Variants in VOPP1 observed in about 807,000 individuals in gnomAD.
VOPP1 encodes the protein VOPP1 WW domain binding protein, also known as WW domain binding protein VOPP1.
In VOPP1, 8 loss-of-function variants were observed where a neutral mutation model predicts 23.5. The ratio of observed to expected loss-of-function variants is 0.34; its 90% CI spans 0.20 to 0.61. VOPP1 has a LOEUF of 0.61. Ranked by LOEUF, VOPP1 falls within the 20% of genes least tolerant of loss-of-function variation. The probability of loss-of-function intolerance (pLI) is 0.78; values close to 1 mark genes in which losing one functional copy is unlikely to be tolerated. For synonymous variants in VOPP1, 83 were observed against 97.3 expected (o/e 0.85, Z 0.86); for missense variants, 174 against 238.1 (o/e 0.73, Z 1.77).
chr7:55,552,111 C>G (rs949171063), intron 1 of VOPP1, among the ~76,000 whole-genome samples: 1 of 150,626 alleles, frequency 6.6e-6, no homozygotes, highest in Non-Finnish European at 1.5e-5. Context: ...GGTCAGGGAC[C>G]AGTGACCCTG....
At chr7:55,550,236 A>C (rs1191269087) in intron 1 of VOPP1, among the ~76,000 whole-genome samples, 1 of 152,250 alleles carries the variant, frequency 6.6e-6, no homozygotes, top group South Asian at 2.1e-4. Context: ...GCCCAACAGC[A>C]GCCACTAGGT....
chr7:55,494,525 C>T lies in VOPP1; in HGVS notation c.192-2107G>A, dbSNP rs143249923. 3.6e-3 allele frequency among the ~76,000 whole-genome samples: 544 copies of T among 152,268 alleles called. 2 individuals carry two copies. The highest frequency in any genetic ancestry group is 0.024 in the Middle Eastern group (7 of 294). On this transcript the variant is annotated intron_variant, in intron 3 of 4. Coordinates refer to ENST00000285279, the MANE Select transcript of VOPP1 (RefSeq NM_030796.5). ...ATGACATTGCAGCTCCCACCTTAGA[C>T]TAATGGTGAGCAAGCATAAGGCGAG...
At position 55,476,620 on chromosome 7, in the gene VOPP1, C is replaced by T. The variant is rs564087591; in HGVS notation, c.329-3575G>A. On this transcript the variant is annotated intron_variant, in intron 4 of 4. Coordinates refer to ENST00000285279, the MANE Select transcript of VOPP1 (RefSeq NM_030796.5). ...CGTTCCAGTTACACCAGGATCCCCA[C>T]ACCATTTTAGTCAGCCCCTCCAAAC... Among the ~76,000 whole-genome samples, 48 of 152,286 alleles carry T rather than the reference C, an allele frequency of 3.2e-4. 1 individual carries two copies. The South Asian group carries it at 9.7e-3, about 31-fold the overall frequency.
chr7:55,508,277 GTTTGT>G (rs915207447), intron 2 of VOPP1, among the ~76,000 whole-genome samples: 2 of 152,036 alleles, frequency 1.3e-5, no homozygotes, highest in African/African-American at 4.8e-5. Flanking sequence ...TTTTTGTTTT[GTTTGT>G]TTTGACACAA....
At chr7:55,442,314 G>A (rs769661582) in intron 4 of VOPP1, among the ~76,000 whole-genome samples, 1 of 152,160 alleles carries the variant, frequency 6.6e-6, no homozygotes, top group Non-Finnish European at 1.5e-5. Context: ...TACATTCTCC[G>A]AAGGGTGGAG....
chr7:55,525,442 T>C (rs967143078), intron 1 of VOPP1, among the ~76,000 whole-genome samples: 4 of 151,150 alleles, frequency 2.6e-5, no homozygotes, highest in Non-Finnish European at 5.9e-5. Context: ...TGAGCCGAGA[T>C]TGCGCCACTG....
chr7:55,550,548 T>TC (rs1362781593), intron 1 of VOPP1, among the ~76,000 whole-genome samples: 2 of 152,202 alleles, frequency 1.3e-5, no homozygotes, highest in African/African-American at 4.8e-5. Context: ...TAGAAATCCA[T>TC]CCTTTAAAAA....
At chr7:55,476,438 G>T (rs369353834) in intron 4 of VOPP1, among the ~76,000 whole-genome samples, 6 of 140,092 alleles carry the variant, frequency 4.3e-5, no homozygotes, top group South Asian at 2.4e-4. Flanking sequence ...TCGGGGGGGT[G>T]GGCGGGGGGG....
chr7:55,571,555 C>T (rs1369885575), intron 1 of VOPP1, among the ~76,000 whole-genome samples: 3 of 152,192 alleles, frequency 2.0e-5, no homozygotes, highest in African/African-American at 7.2e-5. Context: ...TGGCCCCATC[C>T]GAGGATGCAA....
At chr7:55,436,454 C>T (rs975489604) in intron 4 of VOPP1, among the ~76,000 whole-genome samples, 3 of 152,152 alleles carry the variant, frequency 2.0e-5, no homozygotes, top group South Asian at 2.1e-4. Context: ...GTGAAGGTGC[C>T]GGTGATTGGC....
intron 2 of VOPP1, among the ~76,000 whole-genome samples, chr7:55,510,553 T>C (rs1795004290): frequency 6.6e-6 from 1 of 151,808 alleles, no homozygotes; most frequent in Non-Finnish European, 1.5e-5. Context: ...ATCCCAGACT[T>C]TATATAAGGG....
chr7:55,464,492 G>A (rs1394930385), intron 4 of VOPP1, among the ~76,000 whole-genome samples: 1 of 152,200 alleles, frequency 6.6e-6, no homozygotes, highest in African/African-American at 2.4e-5. Context: ...GGATGGGGTT[G>A]CTGTCAATGG....
chr7:55,538,346 C>T (rs974427289), intron 1 of VOPP1, among the ~76,000 whole-genome samples: 7 of 152,222 alleles, frequency 4.6e-5, no homozygotes, highest in African/African-American at 1.7e-4. Flanking sequence ...TCCTTCCAGT[C>T]TGCAAAGCAT....
intron 1 of VOPP1, among the ~76,000 whole-genome samples, chr7:55,558,201 C>T (rs2129055546): frequency 6.6e-6 from 1 of 152,042 alleles, no homozygotes; most frequent in African/African-American, 2.4e-5. Context: ...AGGGGTAGAC[C>T]TTATGACACA....
chr7:55,547,399 A>G (rs1797413680), intron 1 of VOPP1, among the ~76,000 whole-genome samples: 1 of 152,184 alleles, frequency 6.6e-6, no homozygotes, highest in African/African-American at 2.4e-5. Flanking sequence ...CAAGGCTGGG[A>G]GTGAAATTTG....
chr7:55,492,474 G>A, intron 3 of VOPP1, 56 bp from the exon 4 acceptor site: 2 of 1,546,006 alleles, frequency 1.3e-6, no homozygotes, highest in Non-Finnish European at 8.7e-7. Flanking sequence ...CTGAGGGCTT[G>A]GCCCTACAGC....
intron 1 of VOPP1, among the ~76,000 whole-genome samples, chr7:55,569,002 C>T (rs2129057824): frequency 6.6e-6 from 1 of 152,326 alleles, no homozygotes; most frequent in Non-Finnish European, 1.5e-5. Context: ...CTTAGCCACC[C>T]TTAGAATCTG....
chr7:55,464,216 CTGATCCCA>C (rs1309513530), intron 4 of VOPP1, among the ~76,000 whole-genome samples: 1 of 152,170 alleles, frequency 6.6e-6, no homozygotes, highest in Admixed American at 6.5e-5. Flanking sequence ...GTGGGATAGG[CTGATCCCA>C]TGGTCACCTT....
chr7:55,491,579 G>A (rs976803384), intron 4 of VOPP1, among the ~76,000 whole-genome samples: 16 of 152,198 alleles, frequency 1.1e-4, no homozygotes, highest in African/African-American at 3.9e-4. Flanking sequence ...GCTCCCCGCT[G>A]TCATCAGAGA....
Sources: gnomAD v4.1 joint callset for allele counts (sites outside exome capture counted in the v4.1 genomes callset) on GRCh38, gnomAD v4.1.1 for gene constraint, MANE v1.5 for transcripts, NCBI Gene and HGNC (gene_info 2026-07-23, HGNC 2026-07-21) for gene names.